KCNK9: variants seen among roughly 807,000 people sequenced by gnomAD.
KCNK9 encodes the protein potassium channel subfamily K member 9.
Under a neutral mutation model 10.8 loss-of-function variants are expected in KCNK9, and 1 was observed. The observed-to-expected ratio is 0.09, with a 90% CI of 0.03 to 0.44. KCNK9 has a LOEUF of 0.44. Ranked by LOEUF, KCNK9 falls within the 20% of genes least tolerant of loss-of-function variation. The pLI is 0.97. For missense variants in KCNK9, 303 were observed against 515.0 expected (o/e 0.59, Z 3.98); for synonymous variants, 231 against 222.7 (o/e 1.04, Z -0.33).
intron 1 of KCNK9, among the ~76,000 whole-genome samples, chr8:139,632,781 C>A (rs1213407967): frequency 6.6e-6 from 1 of 152,114 alleles, no homozygotes; most frequent in Non-Finnish European, 1.5e-5. Context: ...AGAGCCCCTG[C>A]CGAGAAACAG....
chr8:139,689,705 T>A (rs1414015356), intron 1 of KCNK9, among the ~76,000 whole-genome samples: 3 of 150,146 alleles, frequency 2.0e-5, no homozygotes, highest in African/African-American at 7.3e-5. Context: ...CGCAGTGGCG[T>A]GATCTCGACT....
At chr8:139,672,885 G>A (rs772217047) in intron 1 of KCNK9, among the ~76,000 whole-genome samples, 6 of 152,354 alleles carry the variant, frequency 3.9e-5, no homozygotes, top group Admixed American at 2.0e-4. Flanking sequence ...CACCCTGCCC[G>A]GATCTTCCCT....
At chr8:139,654,792 G>C (rs796814517) in intron 1 of KCNK9, among the ~76,000 whole-genome samples, 60 of 152,328 alleles carry the variant, frequency 3.9e-4, no homozygotes, top group African/African-American at 1.4e-3. Context: ...TGCTACCCCG[G>C]GGCCTAGCTC....
chr8:139,656,373 C>T (rs908210516), intron 1 of KCNK9, among the ~76,000 whole-genome samples: 10 of 152,218 alleles, frequency 6.6e-5, no homozygotes, highest in Non-Finnish European at 1.3e-4. Flanking sequence ...CTCTCGGACG[C>T]CCCTGCTGTC....
At chr8:139,663,419 A>G (rs934873174) in intron 1 of KCNK9, among the ~76,000 whole-genome samples, 3 of 151,920 alleles carry the variant, frequency 2.0e-5, no homozygotes, top group African/African-American at 4.8e-5. Context: ...TCTGGGCCCC[A>G]TCTAGACCCT....
At chr8:139,610,877 C>A (rs1401121194), downstream of KCNK9, among the ~76,000 whole-genome samples, 3 of 152,234 alleles carry the variant, frequency 2.0e-5, no homozygotes, top group Non-Finnish European at 4.4e-5. Context: ...GTCATGTCTC[C>A]CAAGAGTGGC....
chr8:139,698,932 T>C (rs1261031840), intron 1 of KCNK9, among the ~76,000 whole-genome samples: 1 of 152,176 alleles, frequency 6.6e-6, no homozygotes, highest in African/African-American at 2.4e-5. Context: ...TCTCAGAGTG[T>C]ACCCTGCCCC....
intron 1 of KCNK9, among the ~76,000 whole-genome samples, chr8:139,692,776 C>A (rs549410110): frequency 1.3e-5 from 2 of 152,218 alleles, no homozygotes; most frequent in Non-Finnish European, 2.9e-5. Flanking sequence ...TCAGCTCCCC[C>A]CCACGTCCAA....
intron 1 of KCNK9, among the ~76,000 whole-genome samples, chr8:139,691,918 C>T (rs1022746478): frequency 2.0e-5 from 3 of 152,176 alleles, no homozygotes; most frequent in African/African-American, 4.8e-5. Context: ...AAGACATAGT[C>T]CTGGCTGATG....
At chr8:139,667,913 G>A (rs900793640) in intron 1 of KCNK9, among the ~76,000 whole-genome samples, 3 of 151,420 alleles carry the variant, frequency 2.0e-5, no homozygotes, top group Admixed American at 6.6e-5. Context: ...CCATTGCATA[G>A]TTGGGCCATG....
At chr8:139,606,388 C>G (rs1340498717) in intron 2 of KCNK9, among the ~76,000 whole-genome samples, 1 of 152,076 alleles carries the variant, frequency 6.6e-6, no homozygotes, top group Non-Finnish European at 1.5e-5. Context: ...AGGAGGAACA[C>G]AAAAATCCAA....
rs573917592 is a variant in KCNK9, at chr8:139,687,377, T to C, written c.283+15333A>G. ...ATGTATACATATATATGTGTATACA[T>C]ATATATGAATATATATGTGTATACA... On this transcript the variant is annotated intron_variant, in intron 1 of 1. Coordinates refer to ENST00000520439, the MANE Select transcript of KCNK9 (RefSeq NM_001282534.2). 4.3e-4 allele frequency among the ~76,000 whole-genome samples: 56 copies of C among 131,042 alleles called. 1 individual carries two copies. Among genetic ancestry groups the C allele is most frequent in the African/African-American group, 1.4e-3 (50 of 35,552 alleles). The allele number at this position is 131,042 out of a possible 152,430, so 86.0% of individuals were successfully genotyped here.
intron 1 of KCNK9, among the ~76,000 whole-genome samples, chr8:139,656,666 CA>C (rs1285809902): frequency 2.6e-5 from 4 of 152,220 alleles, no homozygotes; most frequent in African/African-American, 9.6e-5. Context: ...CTCAACCCCA[CA>C]CAGTGCCCTA....
intron 1 of KCNK9, among the ~76,000 whole-genome samples, chr8:139,701,930 A>G (rs560023021): frequency 2.0e-4 from 31 of 152,260 alleles, no homozygotes; most frequent in African/African-American, 7.2e-4. Flanking sequence ...CCCTCTCGTG[A>G]CTGGGGCTCA....
Position 139,661,404 on chromosome 8 carries a change from T to C in KCNK9, c.283+41306A>G, listed in dbSNP as rs530708708. On this transcript the variant is annotated intron_variant, in intron 1 of 1. Coordinates refer to ENST00000520439, the MANE Select transcript of KCNK9 (RefSeq NM_001282534.2). Reference sequence around the variant, plus strand: ...ACCTTCAGGTAGCCGATGCTGGCCATGTCTCAGGGCTCTTCCCATCCCAGC... The same window carrying C: ...ACCTTCAGGTAGCCGATGCTGGCCACGTCTCAGGGCTCTTCCCATCCCAGC... 7.9e-5 allele frequency among the ~76,000 whole-genome samples: 12 copies of C among 152,176 alleles called. No homozygotes were observed. In the South Asian group the frequency reaches 1.9e-3, roughly 24 times the overall value.
At chr8:139,605,885 A>G (rs2471088) in intron 2 of KCNK9, among the ~76,000 whole-genome samples, 12,082 of 152,256 alleles carry the variant, frequency 0.079, 1,072 homozygotes, top group East Asian at 0.4. Flanking sequence ...ACAATAATAA[A>G]TACCTCTGAT....
At chr8:139,697,271 T>G in intron 1 of KCNK9, among the ~76,000 whole-genome samples, 1 of 144,912 alleles carries the variant, frequency 6.9e-6, no homozygotes, top group African/African-American at 2.6e-5. Context: ...GATGGATGGA[T>G]AGGTAGATGA....
chr8:139,679,491 C>G (rs1278858441), intron 1 of KCNK9, among the ~76,000 whole-genome samples: 1 of 152,244 alleles, frequency 6.6e-6, no homozygotes, highest in African/African-American at 2.4e-5. Flanking sequence ...TCAACACAGT[C>G]TAGCGATCAT....
chr8:139,624,286 A>G (rs990505395), intron 1 of KCNK9, among the ~76,000 whole-genome samples: 9 of 152,170 alleles, frequency 5.9e-5, no homozygotes, highest in African/African-American at 1.9e-4. Context: ...GAGGTTAACC[A>G]TAGTGGTGCT....
Sources: allele counts gnomAD v4.1 joint callset (sites outside exome capture counted in the v4.1 genomes callset), GRCh38; gene constraint gnomAD v4.1.1; transcripts MANE v1.5; gene names NCBI Gene and HGNC (gene_info 2026-07-23, HGNC 2026-07-21).